PCDH15: variants seen among roughly 807,000 people sequenced by gnomAD.
The protein encoded by PCDH15 is protocadherin related 15, also known as protocadherin-15.
In PCDH15, 129 loss-of-function variants were observed where a neutral mutation model predicts 178.5. That is an observed-to-expected ratio of 0.72 (90% confidence interval 0.63 to 0.84). The LOEUF (loss-of-function observed/expected upper bound fraction) is 0.84, where lower values mean the gene tolerates loss of function less well. PCDH15 is among the 40% of genes least tolerant of loss of function. The pLI, the probability that PCDH15 is intolerant of heterozygous loss-of-function variation, is 0.00. For synonymous variants in PCDH15, 800 were observed against 732.0 expected (o/e 1.09, Z -1.50); for missense variants, 2,230 against 2,099.9 (o/e 1.06, Z -1.21).
At chr10:55,478,657 G>GA (rs1244079716) in intron 2 of PCDH15, among the ~76,000 whole-genome samples, 1 of 150,068 alleles carries the variant, frequency 6.7e-6, no homozygotes, top group Non-Finnish European at 1.5e-5. Context: ...GATTAGAGAA[G>GA]AAAAAAACTA....
chr10:54,354,479 G>C (rs901814223), intron 5 of PCDH15, among the ~76,000 whole-genome samples: 1 of 152,012 alleles, frequency 6.6e-6, no homozygotes, highest in Non-Finnish European at 1.5e-5. Context: ...CCATCCTATG[G>C]AAGAGAAAAA....
At chr10:54,271,645 A>G (rs2132499747) in intron 8 of PCDH15, among the ~76,000 whole-genome samples, 1 of 152,228 alleles carries the variant, frequency 6.6e-6, no homozygotes, top group South Asian at 2.1e-4. Context: ...TTAGCAGTTC[A>G]TTGCATTTAT....
chr10:54,316,848 A>T (rs1310038170), intron 8 of PCDH15, among the ~76,000 whole-genome samples: 1 of 152,170 alleles, frequency 6.6e-6, no homozygotes, highest in African/African-American at 2.4e-5. Context: ...TCAAACGGCC[A>T]AACATAATCT....
At chr10:53,818,793 A>C (rs751595473) in intron 33 of PCDH15, among the ~76,000 whole-genome samples, 8 of 152,042 alleles carry the variant, frequency 5.3e-5, no homozygotes, top group African/African-American at 9.7e-5. Context: ...AGAATTAATC[A>C]ATCAGTGTAA....
intron 13 of PCDH15, among the ~76,000 whole-genome samples, chr10:54,170,343 T>C (rs1188648397): frequency 8.5e-5 from 13 of 152,102 alleles, no homozygotes; most frequent in Middle Eastern, 3.2e-3. Flanking sequence ...CCACACCCTG[T>C]AGCCTTTCTG....
chr10:53,848,675 T>G (rs1196079090), intron 28 of PCDH15, among the ~76,000 whole-genome samples: 1 of 151,970 alleles, frequency 6.6e-6, no homozygotes, highest in Non-Finnish European at 1.5e-5. Context: ...TATCAATTAT[T>G]TTTTCTCCAT....
intron 8 of PCDH15, among the ~76,000 whole-genome samples, chr10:54,286,546 TCTAA>T (rs1005417288): frequency 6.6e-6 from 1 of 152,242 alleles, no homozygotes; most frequent in Non-Finnish European, 1.5e-5. Flanking sequence ...GCTTGAGTAA[TCTAA>T]CTACTTTACA....
At chr10:55,377,546 C>T (rs1342165220) in intron 2 of PCDH15, among the ~76,000 whole-genome samples, 2 of 151,604 alleles carry the variant, frequency 1.3e-5, no homozygotes, top group Non-Finnish European at 2.9e-5. Context: ...AAATAGCTTG[C>T]TATATTTAGT....
chr10:54,670,923 A>G (rs1245403007), intron 1 of PCDH15, among the ~76,000 whole-genome samples: 1 of 152,044 alleles, frequency 6.6e-6, no homozygotes, highest in Non-Finnish European at 1.5e-5. Flanking sequence ...AATAACTCCA[A>G]ATTAGGAGAT....
chr10:54,973,160 T>TA (rs1352710138), intron 2 of PCDH15, among the ~76,000 whole-genome samples: 2 of 152,108 alleles, frequency 1.3e-5, no homozygotes, highest in Non-Finnish European at 2.9e-5. Flanking sequence ...TGCAGAATAA[T>TA]AAAAACACCT....
intron 13 of PCDH15, among the ~76,000 whole-genome samples, chr10:54,160,349 G>A (rs1590864098): frequency 6.6e-6 from 1 of 152,052 alleles, no homozygotes; most frequent in East Asian, 1.9e-4. Context: ...GCAAAACTGA[G>A]GACAAGGGAA....
chr10:54,113,339 G>A (rs542577151), intron 15 of PCDH15, among the ~76,000 whole-genome samples: 1 of 152,120 alleles, frequency 6.6e-6, no homozygotes, highest in Non-Finnish European at 1.5e-5. Context: ...AATTCAGCAC[G>A]TTTAAGCATT....
At chr10:55,599,440 T>C (rs570409521) in intron 2 of PCDH15, 1 of 152,488 alleles carries the variant, frequency 6.6e-6, no homozygotes, top group South Asian at 2.1e-4. Context: ...ACCACCATAA[T>C]TGGCCTAAAA....
chr10:54,069,583 T>C (rs1325439703), intron 17 of PCDH15, among the ~76,000 whole-genome samples: 1 of 152,170 alleles, frequency 6.6e-6, no homozygotes, highest in African/African-American at 2.4e-5. Context: ...AGTTTTTTAA[T>C]ACCACTTGCT....
At chr10:55,136,935 C>G (rs1838211400) in intron 2 of PCDH15, among the ~76,000 whole-genome samples, 1 of 152,040 alleles carries the variant, frequency 6.6e-6, no homozygotes, top group South Asian at 2.1e-4. Flanking sequence ...AGAAAAATAT[C>G]AGCAGGATTG....
intron 1 of PCDH15, among the ~76,000 whole-genome samples, chr10:54,765,810 T>C (rs1469727323): frequency 6.6e-6 from 1 of 152,140 alleles, no homozygotes; most frequent in Non-Finnish European, 1.5e-5. Flanking sequence ...CTTTAGGACA[T>C]GGCATAACCT....
intron 26 of PCDH15, among the ~76,000 whole-genome samples, chr10:53,901,475 G>GT (rs1187022113): frequency 1.3e-5 from 2 of 151,984 alleles, no homozygotes; most frequent in African/African-American, 4.8e-5. Context: ...TCAAGCTACC[G>GT]TCAAATTTTT....
intron 1 of PCDH15, among the ~76,000 whole-genome samples, chr10:55,310,634 A>G (rs1843562482): frequency 6.6e-6 from 1 of 152,222 alleles, no homozygotes; most frequent in East Asian, 1.9e-4. Flanking sequence ...CTATTTAAAA[A>G]TGATAGACTG....
At chr10:54,836,448 A>T (rs1001594531) in intron 3 of PCDH15, among the ~76,000 whole-genome samples, 14 of 152,104 alleles carry the variant, frequency 9.2e-5, no homozygotes, top group Non-Finnish European at 4.4e-5. Flanking sequence ...AATAGAGAAA[A>T]ATATATTTTA....
Sources: gnomAD v4.1 joint callset for allele counts (sites outside exome capture counted in the v4.1 genomes callset) on GRCh38, gnomAD v4.1.1 for gene constraint, MANE v1.5 for transcripts, NCBI Gene and HGNC (gene_info 2026-07-23, HGNC 2026-07-21) for gene names.